PCDHA8: variants seen among roughly 807,000 people sequenced by gnomAD.
PCDHA8 encodes the protein protocadherin alpha-8.
A neutral mutation model predicts 61.8 loss-of-function variants in PCDHA8; 53 were observed. The ratio of observed to expected loss-of-function variants is 0.86; its 90% CI spans 0.69 to 1.08. The LOEUF (loss-of-function observed/expected upper bound fraction) is 1.08, where lower values mean the gene tolerates loss of function less well. Ranked by LOEUF, PCDHA8 falls within the 50% of genes least tolerant of loss-of-function variation. The probability of loss-of-function intolerance (pLI) is 0.00; values close to 1 mark genes in which losing one functional copy is unlikely to be tolerated. For synonymous variants in PCDHA8, 618 were observed against 556.6 expected, an observed-to-expected ratio of 1.11 and a Z score of -1.55; for missense variants, 1,293 against 1,245.0, an observed-to-expected ratio of 1.04 and a Z score of -0.58.
At chr5:140,941,048 T>C (rs1157859382) in intron 1 of PCDHA8, among the ~76,000 whole-genome samples, 1 of 152,138 alleles carries the variant, frequency 6.6e-6, no homozygotes, top group African/African-American at 2.4e-5. Context: ...CAAGTCAAAT[T>C]CCCCAGCAGT....
intron 1 of PCDHA8, among the ~76,000 whole-genome samples, chr5:140,874,875 C>T (rs1198638735): frequency 2.6e-5 from 4 of 152,134 alleles, no homozygotes; most frequent in African/African-American, 9.7e-5. Flanking sequence ...TTGTTAAATA[C>T]AAATTCCTAA....
intron 1 of PCDHA8, among the ~76,000 whole-genome samples, chr5:140,953,351 C>G (rs1007094673): frequency 3.3e-5 from 5 of 152,122 alleles, no homozygotes; most frequent in Non-Finnish European, 5.9e-5. Context: ...TTCTTTTGTT[C>G]TGTGCACTCA....
At chr5:140,965,670 G>A (rs2095922284) in intron 1 of PCDHA8, among the ~76,000 whole-genome samples, 1 of 152,144 alleles carries the variant, frequency 6.6e-6, no homozygotes, top group Non-Finnish European at 1.5e-5. Flanking sequence ...GGTGATAAAT[G>A]TAAAAGATTT....
At chr5:140,977,671 A>G (rs2096770792) in intron 1 of PCDHA8, among the ~76,000 whole-genome samples, 1 of 152,178 alleles carries the variant, frequency 6.6e-6, no homozygotes, top group South Asian at 2.1e-4. Flanking sequence ...CTGCATGCCA[A>G]ATATCATGTA....
At chr5:140,857,656 G>A (rs1269090821) in intron 1 of PCDHA8, 4 of 1,596,690 alleles carry the variant, frequency 2.5e-6, no homozygotes, top group Admixed American at 3.4e-5. Flanking sequence ...AGGTGAGCGC[G>A]CGCGATGGGG....
intron 1 of PCDHA8, among the ~76,000 whole-genome samples, chr5:140,965,508 T>C (rs1278735339): frequency 6.6e-6 from 1 of 152,124 alleles, no homozygotes; most frequent in Non-Finnish European, 1.5e-5. Context: ...TTTTTTTTTT[T>C]TTTAACTGCA....
intron 1 of PCDHA8, chr5:140,929,177 T>G: frequency 6.2e-7 from 1 of 1,614,172 alleles, no homozygotes; most frequent in Non-Finnish European, 8.5e-7. Flanking sequence ...TCTCTGGGAC[T>G]TGGTTCTGAT....
At chr5:140,909,470 C>T (rs566835545) in intron 1 of PCDHA8, among the ~76,000 whole-genome samples, 1 of 152,320 alleles carries the variant, frequency 6.6e-6, no homozygotes, top group African/African-American at 2.4e-5. Flanking sequence ...GTCTTCTTCA[C>T]AGGCTAAATA....
In PCDHA8 at chr5:140,843,338, G is replaced by T. The variant is rs2150357785; in HGVS notation, c.2017G>T (p.Gly673Cys). 1 of 1,596,002 alleles carries T rather than the reference G, an allele frequency of 6.3e-7. No individual in the cohort carries two copies. The highest frequency in any genetic ancestry group is 8.6e-7 in the Non-Finnish European group (1 of 1,165,572). Reference protein sequence around the residue: ...ATVLVSLVESGQAPKASSRQS... With the variant: ...ATVLVSLVESCQAPKASSRQS... ...GGTTCTGGTGTCGCTGGTGGAGAGC[G>T]GCCAGGCTCCAAAAGCGTCATCGAG... The change falls in exon 1 of 4, where the codon GGC (glycine) becomes TGC (cysteine). Residue 673 changes from glycine (G) to cysteine (C), a missense_variant. Gly to Cys is a radical substitution (Grantham distance 159, BLOSUM62 -3). Transcript: ENST00000531613.
chr5:140,965,830 A>G (rs2095939833), intron 1 of PCDHA8, among the ~76,000 whole-genome samples: 1 of 152,208 alleles, frequency 6.6e-6, no homozygotes, highest in African/African-American at 2.4e-5. Flanking sequence ...ACATTTAAAT[A>G]TTGGTTATTT....
At chr5:140,863,193 G>A (rs1271562908) in intron 1 of PCDHA8, 15 of 840,280 alleles carry the variant, frequency 1.8e-5, no homozygotes, top group Non-Finnish European at 2.3e-5. Context: ...CCGTGGTGGC[G>A]TCGCTGGCGG....
At chr5:140,852,787 T>G in intron 1 of PCDHA8, 1 of 977,880 alleles carries the variant, frequency 1.0e-6, no homozygotes, top group Non-Finnish European at 1.2e-6. Context: ...AATAGAGGGA[T>G]GCTACAGATG....
rs113297104 is a variant in PCDHA8 at position 140,984,945 on chromosome 5, CT to C, written c.2542+2392del. On this transcript the variant is annotated intron_variant, in intron 3 of 3. Transcript: ENST00000531613. The stretch of plus-strand genomic sequence containing the variant: ...GACATATAGTTAATAAATGTCTAAT[CT>C]TTTTTTTTTGAGACAGAGTCTCGCT... Among the ~76,000 whole-genome samples the C allele has an allele frequency of 9.4e-3, 1,407 of 149,276 alleles. 15 individuals are homozygous for C. Among genetic ancestry groups the C allele is most frequent in the East Asian group, 0.044 (226 of 5,092 alleles).
In PCDHA8 at chr5:141,010,336, G is replaced by A. The variant is rs1297379181; in HGVS notation, c.*399G>A. ...AGATTGAGCAGCTTGGGAGTTTGTG[G>A]CCACTGGGTATGTGTGGCTACCGCG... On this transcript the variant is annotated 3_prime_UTR_variant, in exon 4 of 4. Coordinates refer to ENST00000531613, the MANE Select transcript of PCDHA8 (RefSeq NM_018911.3). 25 of 1,535,806 alleles carry A rather than the reference G, an allele frequency of 1.6e-5. No individual in the cohort carries two copies. The highest frequency in any genetic ancestry group is 2.2e-5 in the Non-Finnish European group (25 of 1,141,450).
intron 1 of PCDHA8, among the ~76,000 whole-genome samples, chr5:140,904,496 A>G (rs1174844806): frequency 1.3e-5 from 2 of 151,832 alleles, no homozygotes; most frequent in Non-Finnish European, 2.9e-5. Context: ...CCAAATTTTT[A>G]CAATTGTGAA....
At chr5:140,857,189 A>C (rs782018937) in intron 1 of PCDHA8, 1 of 1,598,598 alleles carries the variant, frequency 6.3e-7, no homozygotes, top group Non-Finnish European at 8.6e-7. Context: ...TTCAGGAGCC[A>C]ACGGACAGGT....
intron 1 of PCDHA8, chr5:140,883,392 C>T (rs1554178015): frequency 1.9e-6 from 3 of 1,614,184 alleles, no homozygotes; most frequent in South Asian, 2.2e-5. Flanking sequence ...ATCAGTGTGT[C>T]CGATCGTGAC....
chr5:140,927,460 G>A, intron 1 of PCDHA8: 2 of 1,614,148 alleles, frequency 1.2e-6, no homozygotes, highest in South Asian at 1.1e-5. Context: ...GTTGGAGAAA[G>A]CACTGGATCG....
chr5:140,863,527 G>C, intron 1 of PCDHA8: 1 of 392,272 alleles, frequency 2.5e-6, no homozygotes, highest in Non-Finnish European at 5.0e-6. Context: ...CCATGGTTCA[G>C]ATTTTGGAGA....
Sources: allele counts gnomAD v4.1 joint callset (sites outside exome capture counted in the v4.1 genomes callset), GRCh38; gene constraint gnomAD v4.1.1; transcripts MANE v1.5; gene names NCBI Gene and HGNC (gene_info 2026-07-23, HGNC 2026-07-21).